The following ROBO1 variants were observed in gnomAD, a reference collection of about 807,000 sequenced individuals.
ROBO1 encodes the protein roundabout guidance receptor 1, also known as roundabout homolog 1.
Under a neutral mutation model 195.9 loss-of-function variants are expected in ROBO1, and 149 were observed. That is an observed-to-expected ratio of 0.76 (90% CI 0.67 to 0.87). The LOEUF (loss-of-function observed/expected upper bound fraction) is 0.87. Ranked by LOEUF, ROBO1 falls within the 40% of genes least tolerant of loss-of-function variation. The pLI, the probability that ROBO1 is intolerant of heterozygous loss-of-function variation, is 0.00. For missense variants in ROBO1, 1,933 were observed against 2,068.3 expected (o/e 0.93, Z 1.27); for synonymous variants, 816 against 733.2 (o/e 1.11, Z -1.82).
At chr3:79,231,882 C>A (rs2082327090) in intron 2 of ROBO1, among the ~76,000 whole-genome samples, 1 of 152,002 alleles carries the variant, frequency 6.6e-6, no homozygotes, top group Admixed American at 6.6e-5. Context: ...TACTACATGG[C>A]CATAAAAAAG....
chr3:79,277,933 T>G (rs538094205), intron 2 of ROBO1, among the ~76,000 whole-genome samples: 21 of 152,014 alleles, frequency 1.4e-4, no homozygotes, highest in Non-Finnish European at 2.4e-4. Context: ...ACCTAAAGAC[T>G]CTACCAAAAA....
intron 4 of ROBO1, among the ~76,000 whole-genome samples, chr3:78,834,844 G>A (rs1037392552): frequency 2.6e-5 from 4 of 151,910 alleles, no homozygotes; most frequent in Non-Finnish European, 4.4e-5. Context: ...TACTACAATC[G>A]TGTTGCACTA....
intron 2 of ROBO1, among the ~76,000 whole-genome samples, chr3:79,470,085 G>C (rs551795189): frequency 1.3e-5 from 2 of 151,930 alleles, no homozygotes; most frequent in Admixed American, 6.6e-5. Flanking sequence ...ATACTAAATC[G>C]TGCTGCTATA....
chr3:79,650,247 G>A (rs1238485473), intron 1 of ROBO1, among the ~76,000 whole-genome samples: 1 of 151,566 alleles, frequency 6.6e-6, no homozygotes, highest in Non-Finnish European at 1.5e-5. Context: ...TAGTAAAACA[G>A]TAAATAGATA....
Position 78,606,767 on chromosome 3 carries a change from T to A in ROBO1, c.4710A>T (p.Arg1570=), listed in dbSNP as rs1307865185. The change falls in exon 29 of 31, where the codon CGA becomes CGT. Residue 1570 remains arginine (R), a synonymous_variant. Coordinates refer to ENST00000464233, the MANE Select transcript of ROBO1 (RefSeq NM_002941.4). ...GATGAGTCTTTGCTGGTGGAAGGTC[T>A]CGTTTTGCTGCCTTGTTTCCACGTC... ...GKGRGNKAAK[R]DLPPAKTHLI... 6.2e-7 allele frequency: 1 copy of A among 1,613,796 alleles called. No individual in the cohort carries two copies. The highest frequency in any genetic ancestry group is 1.7e-5 in the Admixed American group (1 of 59,992).
chr3:78,894,116 C>G (rs2037089680), intron 4 of ROBO1, among the ~76,000 whole-genome samples: 1 of 152,008 alleles, frequency 6.6e-6, no homozygotes, highest in Non-Finnish European at 1.5e-5. Flanking sequence ...CCAAAAACCA[C>G]ATTAAAAGAA....
intron 3 of ROBO1, among the ~76,000 whole-genome samples, chr3:79,048,280 C>A (rs1163635988): frequency 6.6e-6 from 1 of 152,122 alleles, no homozygotes; most frequent in African/African-American, 2.4e-5. Flanking sequence ...ATCTACTGAT[C>A]TCTGGTTATT....
intron 2 of ROBO1, among the ~76,000 whole-genome samples, chr3:79,538,184 C>T (rs1165599439): frequency 6.6e-6 from 1 of 151,986 alleles, no homozygotes; most frequent in Non-Finnish European, 1.5e-5. Context: ...GGCTGCTAGC[C>T]TTTGGATTTT....
intron 2 of ROBO1, among the ~76,000 whole-genome samples, chr3:79,403,203 G>T (rs1372236649): frequency 2.0e-5 from 3 of 151,754 alleles, no homozygotes; most frequent in Non-Finnish European, 4.4e-5. Flanking sequence ...GTAACTTTTT[G>T]GATTATTTTC....
intron 2 of ROBO1, among the ~76,000 whole-genome samples, chr3:79,138,092 T>C (rs1384768641): frequency 1.3e-5 from 2 of 152,098 alleles, no homozygotes; most frequent in East Asian, 1.9e-4. Flanking sequence ...TTTTAAAATA[T>C]ATTGATTTGG....
At chr3:78,853,252 A>C (rs985495819) in intron 4 of ROBO1, among the ~76,000 whole-genome samples, 16 of 151,900 alleles carry the variant, frequency 1.1e-4, no homozygotes, top group African/African-American at 3.9e-4. Flanking sequence ...GGAAGAAAGG[A>C]GGAGGTAAGT....
chr3:78,958,657 TA>T (rs1254739531), intron 3 of ROBO1, among the ~76,000 whole-genome samples: 2 of 152,080 alleles, frequency 1.3e-5, no homozygotes, highest in Non-Finnish European at 1.5e-5. Context: ...TTAGTAAGAT[TA>T]ACCAATTCTT....
chr3:79,147,894 T>TTTG (rs973557277), intron 2 of ROBO1, among the ~76,000 whole-genome samples: 4 of 151,902 alleles, frequency 2.6e-5, no homozygotes, highest in Non-Finnish European at 5.9e-5. Flanking sequence ...CTCAGATTTT[T>TTTG]TTGTTGTTGT....
chr3:79,488,563 C>T (rs1446111782), intron 2 of ROBO1, among the ~76,000 whole-genome samples: 4 of 152,092 alleles, frequency 2.6e-5, no homozygotes, highest in Admixed American at 1.3e-4. Context: ...GAATAGAAAT[C>T]ATAAAAACCA....
In ROBO1 at chr3:79,622,608, C is replaced by T. The variant is rs1352918020; in HGVS notation, c.-50-32647G>A. On this transcript the variant is annotated intron_variant, in intron 1 of 30. Coordinates refer to ENST00000464233, the MANE Select transcript of ROBO1 (RefSeq NM_002941.4). ...CTCTTGAGGCCTGACCCTGACCCAT[C>T]CTTCCTCATTGGGTTGGGCTTCCCT... 2.0e-5 allele frequency among the ~76,000 whole-genome samples: 3 copies of T among 152,224 alleles called. No homozygotes were observed. The East Asian group carries it at 5.8e-4, about 29-fold the overall frequency.
chr3:79,259,266 T>C, intron 2 of ROBO1, among the ~76,000 whole-genome samples: 1 of 152,074 alleles, frequency 6.6e-6, no homozygotes, highest in Non-Finnish European at 1.5e-5. Context: ...CACTTCAGCC[T>C]CCCCAGCAGC....
chr3:79,323,872 A>G (rs561008979), intron 2 of ROBO1, among the ~76,000 whole-genome samples: 1 of 152,130 alleles, frequency 6.6e-6, no homozygotes, highest in Non-Finnish European at 1.5e-5. Context: ...AGTAGTATAG[A>G]TGTATGCCCC....
intron 2 of ROBO1, among the ~76,000 whole-genome samples, chr3:79,348,688 C>T (rs764340979): frequency 2.0e-5 from 3 of 152,146 alleles, no homozygotes; most frequent in Non-Finnish European, 2.9e-5. Flanking sequence ...ATGGCTGATG[C>T]TGCATAGAAC....
intron 2 of ROBO1, among the ~76,000 whole-genome samples, chr3:79,234,379 G>A (rs1296382916): frequency 6.6e-6 from 1 of 151,980 alleles, no homozygotes; most frequent in African/African-American, 2.4e-5. Context: ...CGAAAGATAG[G>A]GGTCCAGTTT....
Sources: gnomAD v4.1 joint callset for allele counts (sites outside exome capture counted in the v4.1 genomes callset) on GRCh38, gnomAD v4.1.1 for gene constraint, MANE v1.5 for transcripts, NCBI Gene and HGNC (gene_info 2026-07-23, HGNC 2026-07-21) for gene names.